Variants in LURAP1L observed in about 807,000 individuals in gnomAD.
LURAP1L encodes leucine rich adaptor protein 1 like.
In LURAP1L, 12 loss-of-function variants were observed where a neutral mutation model predicts 13.8. The ratio of observed to expected loss-of-function variants is 0.87; its 90% CI spans 0.56 to 1.41. The LOEUF (loss-of-function observed/expected upper bound fraction) is 1.41, where lower values mean the gene tolerates loss of function less well. Among genes scored for constraint, LURAP1L ranks in the 40% most tolerant of loss-of-function variants. The pLI is 0.00. For synonymous variants in LURAP1L, 139 were observed against 119.2 expected (o/e 1.17, Z -1.08); for missense variants, 375 against 292.9 (o/e 1.28, Z -2.04).
At chr9:12,813,925 T>C (rs1819771317) in intron 1 of LURAP1L, among the ~76,000 whole-genome samples, 2 of 152,360 alleles carry the variant, frequency 1.3e-5, no homozygotes, top group Non-Finnish European at 2.9e-5. Flanking sequence ...CATAGTTTGC[T>C]ATACATACAA....
At chr9:12,798,290 T>C (rs1819537048) in intron 1 of LURAP1L, among the ~76,000 whole-genome samples, 1 of 152,170 alleles carries the variant, frequency 6.6e-6, no homozygotes, top group African/African-American at 2.4e-5. Flanking sequence ...AGCAAACATA[T>C]TTTGCCAGTG....
At chr9:12,812,564 G>A (rs1377465839) in intron 1 of LURAP1L, among the ~76,000 whole-genome samples, 1 of 152,156 alleles carries the variant, frequency 6.6e-6, no homozygotes, top group East Asian at 1.9e-4. Flanking sequence ...CACATAGCGT[G>A]TAGGAAATAG....
chr9:12,811,745 T>G (rs2118537549), intron 1 of LURAP1L, among the ~76,000 whole-genome samples: 1 of 152,336 alleles, frequency 6.6e-6, no homozygotes, highest in Admixed American at 6.5e-5. Flanking sequence ...TCAAGCTGCA[T>G]AACAAATATC....
intron 1 of LURAP1L, among the ~76,000 whole-genome samples, chr9:12,784,980 T>C (rs1819329360): frequency 6.6e-6 from 1 of 151,454 alleles, no homozygotes; most frequent in African/African-American, 2.4e-5. Flanking sequence ...AGAAGGAGTT[T>C]CTCCTCATGG....
intron 1 of LURAP1L, among the ~76,000 whole-genome samples, chr9:12,784,859 C>G (rs1819328056): frequency 6.7e-6 from 1 of 150,332 alleles, no homozygotes; most frequent in Admixed American, 6.6e-5. Context: ...CTTTAGGAAT[C>G]TAGAATCTAC....
At chr9:12,791,934 AT>A (rs1298068049) in intron 1 of LURAP1L, among the ~76,000 whole-genome samples, 1 of 152,036 alleles carries the variant, frequency 6.6e-6, no homozygotes, top group Non-Finnish European at 1.5e-5. Context: ...TCCTAGGAAT[AT>A]TTTTCGACAG....
chr9:12,803,259 C>G (rs1586883191), intron 1 of LURAP1L, among the ~76,000 whole-genome samples: 1 of 152,288 alleles, frequency 6.6e-6, no homozygotes, highest in Non-Finnish European at 1.5e-5. Context: ...TCACTTCTAA[C>G]ATGCTGTATC....
chr9:12,822,014 A>T lies in LURAP1L; in HGVS notation c.*254A>T. On this transcript the variant is annotated 3_prime_UTR_variant, in exon 2 of 2. Coordinates refer to ENST00000319264, the MANE Select transcript of LURAP1L (RefSeq NM_203403.2). ...TCTTTTACAGTAGCACAAACAAAGT[A>T]GGGGGAAAAGAATAAGCAATAATTA... 1 of 379,018 alleles carries T rather than the reference A, an allele frequency of 2.6e-6. No individual in the cohort carries two copies. Among genetic ancestry groups the T allele is most frequent in the Non-Finnish European group, 4.7e-6 (1 of 213,272 alleles). 23.5% of individuals were successfully genotyped at this position (379,018 alleles called of 1,614,324 possible). A position where few individuals can be genotyped will look rare whatever the true frequency, so the allele number is the denominator to read the frequency against.
In LURAP1L at chr9:12,822,136, G is replaced by A. The variant is rs72702674; in HGVS notation, c.*376G>A. ...CCAAAGTCTGATAACAGTTAATGTT[G>A]CTGCTTGCGTCCTTAAATGACTTAA... On this transcript the variant is annotated 3_prime_UTR_variant, in exon 2 of 2. Transcript: ENST00000319264. The A allele has an allele frequency of 4.1e-3, 725 of 175,422 alleles. 1 individual carries two copies. The highest frequency in any genetic ancestry group is 5.8e-3 in the Non-Finnish European group (475 of 81,934). 10.9% of individuals were successfully genotyped at this position (175,422 alleles called of 1,614,324 possible).
intron 1 of LURAP1L, among the ~76,000 whole-genome samples, chr9:12,784,254 G>C (rs1009231526): frequency 1.8e-4 from 27 of 152,066 alleles, no homozygotes; most frequent in African/African-American, 5.8e-4. Flanking sequence ...TGATGCTTTT[G>C]AGTGTTCATC....
At chr9:12,792,060 CT>C (rs1819447937) in intron 1 of LURAP1L, among the ~76,000 whole-genome samples, 1 of 152,080 alleles carries the variant, frequency 6.6e-6, no homozygotes, top group Admixed American at 6.6e-5. Flanking sequence ...AAGAACATGC[CT>C]TTAATTTCTC....
At chr9:12,818,298 A>T (rs1349698637) in intron 1 of LURAP1L, among the ~76,000 whole-genome samples, 1 of 152,188 alleles carries the variant, frequency 6.6e-6, no homozygotes, top group East Asian at 1.9e-4. Context: ...TTGCTGACAA[A>T]AAATGTATTC....
rs180778971 is a variant in LURAP1L at position 12,791,701 on chromosome 9, C to A, written c.312+15674C>A. 3.3e-3 allele frequency among the ~76,000 whole-genome samples: 494 copies of A among 151,566 alleles called. 2 individuals are homozygous for A. The highest frequency in any genetic ancestry group is 4.9e-3 in the Non-Finnish European group (332 of 67,880). ...CTCCTCCCTTCTTTTTACACACACACACACACACACACACTTTTTCTTAAA... is the reference window on the plus strand; with the variant it reads ...CTCCTCCCTTCTTTTTACACACACAAACACACACACACACTTTTTCTTAAA... On this transcript the variant is annotated intron_variant, in intron 1 of 1. Transcript: ENST00000319264.
At position 12,775,507 on chromosome 9, in the gene LURAP1L, TG is replaced by T. The variant is rs780381096; in HGVS notation, c.-206del. 3 of 624,908 alleles carry T rather than the reference TG, an allele frequency of 4.8e-6. No individual in the cohort carries two copies. Among genetic ancestry groups the T allele is most frequent in the Non-Finnish European group, 7.6e-6 (3 of 396,418 alleles). The allele number at this position is 624,908 out of a possible 1,614,324, so 38.7% of individuals were successfully genotyped here. A position where few individuals can be genotyped will look rare whatever the true frequency, so the allele number is the denominator to read the frequency against. The stretch of plus-strand genomic sequence containing the variant: ...TAGTGTCGGAGGAGTCGCAGCGGAC[TG>T]GGAACTGCAGCTGCGACCCCCCGCG... On this transcript the variant is annotated 5_prime_UTR_variant, in exon 1 of 2. Transcript: ENST00000319264.
rs768308535 is a variant in LURAP1L at position 12,821,730 on chromosome 9, A to T, written c.657A>T (p.Lys219Asn). Residue 219 changes from lysine (K) to asparagine (N), a missense_variant, in exon 2 of 2, where the codon AAA becomes AAT. Physicochemically the swap from Lys to Asn is moderately conservative, Grantham distance 94 (BLOSUM62 0). Coordinates refer to ENST00000319264, the MANE Select transcript of LURAP1L (RefSeq NM_203403.2). Reference sequence around the variant, plus strand: ...CACAGGCACTACACAAGCGTCCTAAATTGGATTCTGAATACTACTGCTTTG... The same window carrying T: ...CACAGGCACTACACAAGCGTCCTAATTTGGATTCTGAATACTACTGCTTTG... ...EDSQALHKRP[K>N]LDSEYYCFG 6.8e-6 allele frequency: 11 copies of T among 1,613,864 alleles called. No individual in the cohort carries two copies. Among genetic ancestry groups the T allele is most frequent in the Non-Finnish European group, 8.5e-6 (10 of 1,179,876 alleles).
intron 1 of LURAP1L, among the ~76,000 whole-genome samples, chr9:12,782,243 C>T (rs1035855792): frequency 7.9e-5 from 12 of 152,190 alleles, no homozygotes; most frequent in African/African-American, 2.7e-4. Flanking sequence ...CTTTGCTGTG[C>T]AGAAGTTTTT....
chr9:12,794,411 A>G (rs1316477160), intron 1 of LURAP1L, among the ~76,000 whole-genome samples: 1 of 152,056 alleles, frequency 6.6e-6, no homozygotes, highest in African/African-American at 2.4e-5. Flanking sequence ...AAATAACTTG[A>G]AAAACTTACC....
At chr9:12,815,029 C>A (rs1209847710) in intron 1 of LURAP1L, among the ~76,000 whole-genome samples, 8 of 152,138 alleles carry the variant, frequency 5.3e-5, no homozygotes, top group Non-Finnish European at 7.3e-5. Flanking sequence ...CTGAAGCATT[C>A]CAAACCAAAA....
At chr9:12,782,885 C>A (rs927214352) in intron 1 of LURAP1L, among the ~76,000 whole-genome samples, 5 of 152,056 alleles carry the variant, frequency 3.3e-5, no homozygotes, top group African/African-American at 1.2e-4. Flanking sequence ...GTGTCTTATT[C>A]AATTTCTTGC....
Sources: allele counts gnomAD v4.1 joint callset (sites outside exome capture counted in the v4.1 genomes callset), GRCh38; gene constraint gnomAD v4.1.1; transcripts MANE v1.5; gene names NCBI Gene and HGNC (gene_info 2026-07-23, HGNC 2026-07-21).